Variants in DOCK3 observed in about 807,000 individuals in gnomAD.
DOCK3 encodes the protein dedicator of cytokinesis protein 3.
A neutral mutation model predicts 265.6 loss-of-function variants in DOCK3; 60 were observed. That is an observed-to-expected ratio of 0.23 (90% confidence interval 0.18 to 0.28). The LOEUF is 0.28. Ranked by LOEUF, DOCK3 falls within the 10% of genes least tolerant of loss-of-function variation. The probability of loss-of-function intolerance (pLI) is 1.00; values close to 1 mark genes in which losing one functional copy is unlikely to be tolerated. For missense variants in DOCK3, 1,981 were observed against 2,594.3 expected, an observed-to-expected ratio of 0.76 and a Z score of 5.14; for synonymous variants, 881 against 938.0, an observed-to-expected ratio of 0.94 and a Z score of 1.11.
Position 51,042,105 on chromosome 3 carries a change from G to A in DOCK3, c.316-22343G>A, listed in dbSNP as rs148389969. On this transcript the variant is annotated intron_variant, in intron 5 of 52. Coordinates refer to ENST00000266037, the MANE Select transcript of DOCK3 (RefSeq NM_004947.5). ...TGTGAGGCCAGCATCATCCTGATAC[G>A]AAAACCTGGCAGAGACACAACAAAG... is the stretch of plus-strand genomic sequence containing the variant. 7.3e-3 allele frequency among the ~76,000 whole-genome samples: 1,113 copies of A among 152,262 alleles called. 7 individuals are homozygous for A. The highest frequency in any genetic ancestry group is 0.01 in the African/African-American group (429 of 41,568).
chr3:51,116,236 T>G (rs1381926032), intron 9 of DOCK3, among the ~76,000 whole-genome samples: 1 of 151,964 alleles, frequency 6.6e-6, no homozygotes, highest in African/African-American at 2.4e-5. Flanking sequence ...CAGATCATGA[T>G]GTCAGGAGAT....
chr3:50,844,907 G>A (rs1200394544), intron 3 of DOCK3, among the ~76,000 whole-genome samples: 2 of 152,128 alleles, frequency 1.3e-5, no homozygotes, highest in Non-Finnish European at 2.9e-5. Flanking sequence ...GCCATGTTAT[G>A]TATTTGTTAG....
chr3:51,203,771 A>G (rs1433788352), intron 12 of DOCK3, among the ~76,000 whole-genome samples: 6 of 152,330 alleles, frequency 3.9e-5, no homozygotes, highest in African/African-American at 1.4e-4. Context: ...ATTATACTAC[A>G]AGGCTACAGT....
chr3:50,820,246 C>T (rs1021168312), intron 2 of DOCK3, among the ~76,000 whole-genome samples: 3 of 152,146 alleles, frequency 2.0e-5, no homozygotes, highest in Non-Finnish European at 4.4e-5. Context: ...AAATTCCTTC[C>T]TGCATGAAGC....
At chr3:50,791,547 T>A (rs1379842598) in intron 2 of DOCK3, among the ~76,000 whole-genome samples, 1 of 152,134 alleles carries the variant, frequency 6.6e-6, no homozygotes, top group East Asian at 1.9e-4. Context: ...GTGCTGGAAT[T>A]ATAGGTGTGA....
At chr3:50,972,207 C>G (rs1252578656) in intron 5 of DOCK3, among the ~76,000 whole-genome samples, 1 of 152,234 alleles carries the variant, frequency 6.6e-6, no homozygotes, top group East Asian at 1.9e-4. Flanking sequence ...GCATTTTGTG[C>G]AAGGCTGGGC....
chr3:50,830,427 T>C (rs987808955), intron 2 of DOCK3, among the ~76,000 whole-genome samples: 3 of 152,230 alleles, frequency 2.0e-5, no homozygotes, highest in African/African-American at 7.2e-5. Context: ...AGGTATTGGG[T>C]ATAAATAAAT....
rs1278301900 is a variant in DOCK3 at position 51,383,157 on chromosome 3, TTTTCTC to T, written c.*1601_*1606del. ...ACAGTAAAGGCCATGGTCAGTGTGT[TTTTCTC>T]TTGTAAACAAACCCCAGCTTGTTTA... On this transcript the variant is annotated 3_prime_UTR_variant, in exon 53 of 53. Transcript: ENST00000266037. 6.6e-6 allele frequency: 1 copy of T among 152,280 alleles called. No homozygotes were observed. The highest frequency in any genetic ancestry group is 1.5e-5 in the Non-Finnish European group (1 of 68,034). The allele number at this position is 152,280 out of a possible 1,614,324, so 9.4% of individuals were successfully genotyped here.
intron 3 of DOCK3, among the ~76,000 whole-genome samples, chr3:50,850,197 A>G (rs1299288737): frequency 6.6e-6 from 1 of 151,752 alleles, no homozygotes; most frequent in African/African-American, 2.4e-5. Context: ...CTTGGCCAAC[A>G]TGGCAAAACA....
intron 4 of DOCK3, among the ~76,000 whole-genome samples, chr3:50,897,665 T>G (rs2048967404): frequency 6.6e-6 from 1 of 151,080 alleles, no homozygotes; most frequent in African/African-American, 2.4e-5. Flanking sequence ...CGGTATAGTT[T>G]ATTGAGTGTT....
Position 51,374,504 on chromosome 3 carries a change from C to T in DOCK3, c.5329C>T (p.Arg1777Cys), listed in dbSNP as rs368729460. 11 of 1,613,664 alleles carry T rather than the reference C, an allele frequency of 6.8e-6. No homozygotes were observed. Among genetic ancestry groups the T allele is most frequent in the African/African-American group, 2.7e-5 (2 of 74,906 alleles). Residue 1777 changes from arginine (R) to cysteine (C), a missense_variant, in exon 50 of 53, where the codon CGT becomes TGT. Physicochemically the swap from Arg to Cys is radical, Grantham distance 180. This residue lies in a region of DOCK3 where 1,357 missense variants were observed against 1,866.8 expected (regional missense o/e 0.73). Coordinates refer to ENST00000266037, the MANE Select transcript of DOCK3 (RefSeq NM_004947.5). The surrounding 1 kb of genome is among the most constrained non-coding windows in gnomAD (Gnocchi z 4.8). ...TCTGCCAGATAAGTACCGCCATGCC[C>T]GTGAAATGATGTTGTTGCTGCCCAC... ...PSLPDKYRHA[R>C]EMMLLLPTYR...
chr3:50,981,923 C>T (rs2077708471), intron 5 of DOCK3, among the ~76,000 whole-genome samples: 1 of 152,146 alleles, frequency 6.6e-6, no homozygotes, highest in South Asian at 2.1e-4. Context: ...GATCTTGGCT[C>T]ACTGCAACCT....
chr3:50,787,877 TC>T, intron 2 of DOCK3: 1 of 1,073,866 alleles, frequency 9.3e-7, no homozygotes, highest in Non-Finnish European at 1.4e-6. Flanking sequence ...GGTACCCTTT[TC>T]CCCTTTAGGT....
rs560691349 is a variant in DOCK3 at position 51,147,982 on chromosome 3, C to G, written c.828+1352C>G. Among the ~76,000 whole-genome samples, 4 of 152,328 alleles carry G rather than the reference C, an allele frequency of 2.6e-5. No individual in the cohort carries two copies. The East Asian group carries it at 7.7e-4, about 29-fold the overall frequency. On this transcript the variant is annotated intron_variant, in intron 10 of 52. Coordinates refer to ENST00000266037, the MANE Select transcript of DOCK3 (RefSeq NM_004947.5). ...ACAGTGTAAAAGCGTTCCTATTTCT[C>G]CACATCCTCTCCAGCACCTGTTGCT...
chr3:50,812,371 A>C (rs774223808), intron 2 of DOCK3, among the ~76,000 whole-genome samples: 24 of 152,208 alleles, frequency 1.6e-4, no homozygotes, highest in Non-Finnish European at 3.5e-4. Context: ...CTGGCAAAAG[A>C]AAGATGTTTA....
At position 51,164,696 on chromosome 3, in the gene DOCK3, A is replaced by G. The variant is rs559500975; in HGVS notation, c.1037+3994A>G. ...TGAAAGGCTTTTTGAGGCCAGAAAT[A>G]TCAAGTGGCATACACCTACTATGTA... is the stretch of plus-strand genomic sequence containing the variant. On this transcript the variant is annotated intron_variant, in intron 12 of 52. Coordinates refer to ENST00000266037, the MANE Select transcript of DOCK3 (RefSeq NM_004947.5). Among the ~76,000 whole-genome samples, 121 of 152,092 alleles carry G rather than the reference A, an allele frequency of 8.0e-4. 1 individual carries two copies. The highest frequency in any genetic ancestry group is 2.9e-3 in the South Asian group (14 of 4,818).
rs996226489 is a variant in DOCK3 at position 51,374,681 on chromosome 3, A to G, written c.5412+94A>G. 4 of 1,210,432 alleles carry G rather than the reference A, an allele frequency of 3.3e-6. No homozygotes were observed. Among genetic ancestry groups the G allele is most frequent in the South Asian group, 1.3e-5 (1 of 74,980 alleles). 75.0% of individuals were successfully genotyped at this position (1,210,432 alleles called of 1,614,324 possible). ...TGCGGGGCCTTCTGCATTGTCCTAC[A>G]TGGCTCTCTCATTCCGCTGTAAGAT... On this transcript the variant is annotated intron_variant, in intron 50 of 52. Transcript: ENST00000266037. This position sits in a 1 kb window ranked among gnomAD's most constrained non-coding sequence, Gnocchi z 4.8.
intron 9 of DOCK3, among the ~76,000 whole-genome samples, chr3:51,139,237 G>T (rs2084935874): frequency 6.8e-6 from 1 of 147,338 alleles, no homozygotes; most frequent in South Asian, 2.1e-4. Flanking sequence ...CAGTCACATG[G>T]CTCCACTCAA....
At chr3:51,312,330 T>A (rs1275138591) in intron 29 of DOCK3, 146 bp from the exon 30 acceptor site, 2 of 860,662 alleles carry the variant, frequency 2.3e-6, no homozygotes, top group East Asian at 5.3e-5. Flanking sequence ...AGAAAAATTC[T>A]TGTTTGCAAA....
Sources: gnomAD v4.1 joint callset for allele counts (sites outside exome capture counted in the v4.1 genomes callset) on GRCh38, gnomAD v4.1.1 for gene constraint, gnomAD v4.1.1 regional missense constraint, Gnocchi (gnomAD v3.1) non-coding constraint, MANE v1.5 for transcripts, NCBI Gene and HGNC (gene_info 2026-07-23, HGNC 2026-07-21) for gene names.